SLC4A7: variants seen among roughly 807,000 people sequenced by gnomAD.
SLC4A7 encodes the protein sodium bicarbonate cotransporter 3.
SLC4A7 carries 51 observed loss-of-function variants against 137.6 expected under a neutral mutation model. That is an observed-to-expected ratio of 0.37 (90% CI 0.30 to 0.47). SLC4A7 has a LOEUF of 0.47. Ranked by LOEUF, SLC4A7 falls within the 20% of genes least tolerant of loss-of-function variation. The probability of loss-of-function intolerance (pLI) is 1.00; values close to 1 mark genes in which losing one functional copy is unlikely to be tolerated. For missense variants in SLC4A7, 1,247 were observed against 1,525.4 expected (o/e 0.82, Z 3.04); for synonymous variants, 542 against 518.6 (o/e 1.05, Z -0.61).
At position 27,458,188 on chromosome 3, in the gene SLC4A7, G is replaced by GTTTTTACTGCTT. The variant is rs556256939; in HGVS notation, c.61-5702_61-5691dup. Among the ~76,000 whole-genome samples the GTTTTTACTGCTT allele has an allele frequency of 2.4e-4, 37 of 152,244 alleles. No homozygotes were observed. The East Asian group carries it at 6.7e-3, about 28-fold the overall frequency. On this transcript the variant is annotated intron_variant, in intron 1 of 25. Coordinates refer to ENST00000454389, the MANE Select transcript of SLC4A7 (RefSeq NM_001321103.2). ...AGGCAAAAATTTAATAAGATAACTA[G>GTTTTTACTGCTT]TTTTTACTGCTTCATCAAAGTGCTC...
At chr3:27,478,879 C>T (rs1421588754) in intron 1 of SLC4A7, among the ~76,000 whole-genome samples, 5 of 151,596 alleles carry the variant, frequency 3.3e-5, no homozygotes, top group Middle Eastern at 3.4e-3. Flanking sequence ...GTGGCACACC[C>T]CTGTAATCCC....
At chr3:27,458,387 A>C (rs1188688020) in intron 1 of SLC4A7, among the ~76,000 whole-genome samples, 1 of 152,240 alleles carries the variant, frequency 6.6e-6, no homozygotes, top group African/African-American at 2.4e-5. Flanking sequence ...AATAAGAAAT[A>C]AATCTTTCAC....
chr3:27,393,260 A>C (rs536783784), intron 20 of SLC4A7, among the ~76,000 whole-genome samples: 21 of 152,186 alleles, frequency 1.4e-4, no homozygotes, highest in Non-Finnish European at 2.9e-4. Context: ...GTTTATCTTA[A>C]AGAGGGAAAA....
Position 27,394,542 on chromosome 3 carries a change from A to G in SLC4A7, c.3093T>C (p.Ser1031=). 2 of 1,614,106 alleles carry G rather than the reference A, an allele frequency of 1.2e-6. No homozygotes were observed. Among genetic ancestry groups the G allele is most frequent in the Non-Finnish European group, 1.7e-6 (2 of 1,179,930 alleles). ...GLMIFILMGL[S]VFMTSVLKFI... ...CCTTTAGGACTGAAGTCATGAACAC[A>G]GAGAGGCCCATTAGAATAAAAATCA... Residue 1031 remains serine, a synonymous_variant, in exon 20 of 26, where the codon TCT becomes TCC. Coordinates refer to ENST00000454389, the MANE Select transcript of SLC4A7 (RefSeq NM_001321103.2).
At chr3:27,477,907 G>A (rs556422958) in intron 1 of SLC4A7, among the ~76,000 whole-genome samples, 5 of 152,220 alleles carry the variant, frequency 3.3e-5, no homozygotes, top group South Asian at 2.1e-4. Flanking sequence ...GAGCCACCGC[G>A]CCCGGCTTTC....
In SLC4A7 at chr3:27,373,947, T is replaced by C. The variant is rs926990029; in HGVS notation, c.*2817A>G. On this transcript the variant is annotated 3_prime_UTR_variant, in exon 26 of 26. Coordinates refer to ENST00000454389, the MANE Select transcript of SLC4A7 (RefSeq NM_001321103.2). ...CAACTTTTAACAGATATAAGATCAG[T>C]ATCATTCACATTCACACAAACATAC... 6.6e-5 allele frequency: 10 copies of C among 152,546 alleles called. No individual in the cohort carries two copies. The highest frequency in any genetic ancestry group is 2.4e-4 in the African/African-American group (10 of 41,464). 9.4% of individuals were successfully genotyped at this position (152,546 alleles called of 1,614,324 possible).
chr3:27,417,213 T>A (rs1027011735), intron 11 of SLC4A7, among the ~76,000 whole-genome samples: 1 of 152,110 alleles, frequency 6.6e-6, no homozygotes, highest in African/African-American at 2.4e-5. Flanking sequence ...AAAGGCAGCA[T>A]CACCAACCAA....
intron 11 of SLC4A7, among the ~76,000 whole-genome samples, chr3:27,412,653 C>A (rs2054015706): frequency 1.3e-5 from 2 of 152,122 alleles, no homozygotes; most frequent in South Asian, 2.1e-4. Context: ...ATTTTAGACT[C>A]CTAGGAAACA....
intron 3 of SLC4A7, among the ~76,000 whole-genome samples, chr3:27,439,023 G>A (rs184781934): frequency 3.5e-4 from 53 of 152,230 alleles, no homozygotes; most frequent in Non-Finnish European, 5.4e-4. Flanking sequence ...AAAGCCCTAG[G>A]GCTCCATATA....
chr3:27,394,215 C>T (rs1002513207), intron 20 of SLC4A7, among the ~76,000 whole-genome samples: 1 of 152,044 alleles, frequency 6.6e-6, no homozygotes, highest in Admixed American at 6.6e-5. Context: ...GACAGGGTCT[C>T]ATTATGTTGC....
At chr3:27,465,289 CAAA>C (rs11329798) in intron 1 of SLC4A7, among the ~76,000 whole-genome samples, 4 of 84,672 alleles carry the variant, frequency 4.7e-5, no homozygotes, top group African/African-American at 9.2e-5. Context: ...GACTCCGTCT[CAAA>C]AAAAAAAAAA....
intron 1 of SLC4A7, among the ~76,000 whole-genome samples, chr3:27,464,676 G>A (rs1553717884): frequency 6.6e-6 from 1 of 152,040 alleles, no homozygotes; most frequent in South Asian, 2.1e-4. Flanking sequence ...CTGGGCAACA[G>A]AGCGGGACTC....
At chr3:27,400,702 A>G in intron 16 of SLC4A7, 62 bp downstream of exon 16, 1 of 946,554 alleles carries the variant, frequency 1.1e-6, no homozygotes, top group Admixed American at 2.2e-5. Flanking sequence ...GTCTGATTAG[A>G]AAAAGCTAAA....
rs781667801 is a variant in SLC4A7, at chr3:27,448,623, C to T, written c.289+28G>A. ...TTTCCAGGAAAATAGGAACTTTAAA[C>T]TGCTAAAGAAGAACTGTTTTCTCTT... On this transcript the variant is annotated intron_variant, in intron 3 of 25. Transcript: ENST00000454389. 5.7e-5 allele frequency: 90 copies of T among 1,577,640 alleles called. 2 individuals are homozygous for T. In the South Asian group the frequency reaches 1.0e-3, roughly 18 times the overall value.
intron 1 of SLC4A7, among the ~76,000 whole-genome samples, chr3:27,475,068 C>T (rs961739209): frequency 2.0e-5 from 3 of 152,022 alleles, no homozygotes; most frequent in Non-Finnish European, 4.4e-5. Flanking sequence ...CGAGATTGCA[C>T]CACTGCACTC....
At chr3:27,448,552 G>T in intron 3 of SLC4A7, 99 bp downstream of exon 3, 1 of 912,688 alleles carries the variant, frequency 1.1e-6, no homozygotes, top group Non-Finnish European at 1.7e-6. Flanking sequence ...CTACATTAAT[G>T]CATACATACA....
At chr3:27,430,914 T>C (rs2056207654) in intron 7 of SLC4A7, among the ~76,000 whole-genome samples, 1 of 152,194 alleles carries the variant, frequency 6.6e-6, no homozygotes, top group Non-Finnish European at 1.5e-5. Context: ...TTTACTGAAG[T>C]GTTCAAATGT....
intron 1 of SLC4A7, chr3:27,462,683 TA>T: frequency 5.6e-6 from 1 of 177,266 alleles, no homozygotes; most frequent in South Asian, 1.2e-4. Context: ...GTGAAGGTCC[TA>T]AAACACGGGA....
chr3:27,462,970 C>T (rs2058775623), intron 1 of SLC4A7, among the ~76,000 whole-genome samples: 1 of 152,174 alleles, frequency 6.6e-6, no homozygotes, highest in Admixed American at 6.5e-5. Context: ...TACAAAGTCC[C>T]ATGCAACAGA....
Sources: allele counts gnomAD v4.1 joint callset (sites outside exome capture counted in the v4.1 genomes callset), GRCh38; gene constraint gnomAD v4.1.1; transcripts MANE v1.5; gene names NCBI Gene and HGNC (gene_info 2026-07-23, HGNC 2026-07-21).